The following DUSP22 variants were observed in gnomAD, a reference collection of about 807,000 sequenced individuals.
The protein encoded by DUSP22 is dual specificity protein phosphatase 22.
Under a neutral mutation model 24.5 loss-of-function variants are expected in DUSP22, and 24 were observed. That is an observed-to-expected ratio of 0.98 (90% confidence interval 0.71 to 1.38). DUSP22 has a LOEUF of 1.38. DUSP22 is among the 40% of genes most tolerant of loss of function. The pLI, the probability that DUSP22 is intolerant of heterozygous loss-of-function variation, is 0.00. For missense variants in DUSP22, 330 were observed against 269.2 expected, an observed-to-expected ratio of 1.23 and a Z score of -1.58; for synonymous variants, 160 against 106.4, an observed-to-expected ratio of 1.50 and a Z score of -3.10.
chr6:329,627 A>G (rs1361366695), intron 3 of DUSP22, among the ~76,000 whole-genome samples: 1 of 152,286 alleles, frequency 6.6e-6, no homozygotes, highest in African/African-American at 2.4e-5. Context: ...TAATTTTTGT[A>G]TTTTTTAGTA....
chr6:319,547 G>A (rs1758493400), intron 3 of DUSP22, among the ~76,000 whole-genome samples: 1 of 152,308 alleles, frequency 6.6e-6, no homozygotes, highest in Admixed American at 6.5e-5. Flanking sequence ...AAATGAATCT[G>A]TGCCCTTTTT....
intron 4 of DUSP22, 98 bp from the exon 5 acceptor site, chr6:345,756 A>G (rs1010385681): frequency 8.3e-6 from 12 of 1,447,476 alleles, no homozygotes; most frequent in Non-Finnish European, 1.1e-5. Flanking sequence ...CAAAAAAATC[A>G]ATTAACATTT....
intron 1 of DUSP22, among the ~76,000 whole-genome samples, chr6:303,884 A>G (rs1439599405): frequency 1.1e-4 from 17 of 152,292 alleles, no homozygotes. Flanking sequence ...AGAAATGTGT[A>G]TTTTTAACAG....
rs1246281245 is a variant in DUSP22 at position 351,275 on chromosome 6, T to C, written c.*2324T>C. On this transcript the variant is annotated 3_prime_UTR_variant, in exon 7 of 7. Transcript: ENST00000419235. ...GAAATAGCCCTTGGTGTGGGTTTTATCTCTGGTTTGTGTTCTCCGTGGTGG... is the reference window on the plus strand; with the variant it reads ...GAAATAGCCCTTGGTGTGGGTTTTACCTCTGGTTTGTGTTCTCCGTGGTGG... 4.7e-6 allele frequency: 1 copy of C among 212,688 alleles called. No homozygotes were observed. Among genetic ancestry groups the C allele is most frequent in the African/African-American group, 2.3e-5 (1 of 43,316 alleles). 13.2% of individuals were successfully genotyped at this position (212,688 alleles called of 1,614,324 possible).
Position 348,778 on chromosome 6 carries a change from T to C in DUSP22, c.445T>C (p.Trp149Arg). Residue 149 changes from tryptophan to arginine, a missense_variant, in exon 7 of 7, where the codon TGG becomes CGG. Transcript: ENST00000419235. Reference protein sequence around the residue: ...EKHEVHQYRQWLKEEYGESPL... With the variant: ...EKHEVHQYRQRLKEEYGESPL... ...TTTCCATCCTCTCCAGTATCGGCAG[T>C]GGCTGAAGGAAGAATATGGAGAGAG... 1 of 1,614,298 alleles carries C rather than the reference T, an allele frequency of 6.2e-7. No individual in the cohort carries two copies. The highest frequency in any genetic ancestry group is 8.5e-7 in the Non-Finnish European group (1 of 1,180,054).
At chr6:321,947 G>A (rs975207127) in intron 3 of DUSP22, among the ~76,000 whole-genome samples, 33 of 152,420 alleles carry the variant, frequency 2.2e-4, no homozygotes, top group African/African-American at 7.9e-4. Flanking sequence ...GCTCAGTCAT[G>A]GGTGGAATGT....
intron 4 of DUSP22, among the ~76,000 whole-genome samples, chr6:342,402 G>C (rs1759651395): frequency 1.3e-5 from 2 of 152,304 alleles, no homozygotes; most frequent in Admixed American, 1.3e-4. Flanking sequence ...GGACCAAGGA[G>C]GGTGCCGTCC....
chr6:292,884 G>A (rs1757157969), intron 1 of DUSP22, among the ~76,000 whole-genome samples: 1 of 152,284 alleles, frequency 6.6e-6, no homozygotes, highest in Non-Finnish European at 1.5e-5. Context: ...CCGAATGGAT[G>A]TGGCTTCTTT....
At chr6:305,796 G>A (rs916307524) in intron 2 of DUSP22, among the ~76,000 whole-genome samples, 5 of 152,302 alleles carry the variant, frequency 3.3e-5, no homozygotes, top group African/African-American at 1.2e-4. Context: ...TGTTAGGTTG[G>A]ACAGAGCCAG....
chr6:330,025 G>A (rs1430163980), intron 3 of DUSP22, among the ~76,000 whole-genome samples: 1 of 152,294 alleles, frequency 6.6e-6, no homozygotes, highest in East Asian at 1.9e-4. Flanking sequence ...GGGTCAGTGT[G>A]AATACAGAGT....
chr6:293,689 G>A (rs554042588), intron 1 of DUSP22, among the ~76,000 whole-genome samples: 6 of 152,394 alleles, frequency 3.9e-5, no homozygotes, highest in African/African-American at 7.2e-5. Flanking sequence ...TTTCACGTGC[G>A]CATGTCGTGT....
chr6:304,661 G>A lies in DUSP22; in HGVS notation c.55G>A (p.Asp19Asn), dbSNP rs1453951692. The A allele has an allele frequency of 2.5e-6, 4 of 1,614,126 alleles. No homozygotes were observed. The highest frequency in any genetic ancestry group is 2.7e-5 in the African/African-American group (2 of 74,966). ...CGGCCTGTACATCGGCAACTTCAAA[G>A]GTGAGTTCTTGCTTTTTTATTGTTG... ...LPGLYIGNFK[D>N]ARDAEQLSKN... is the part of the protein sequence containing the mutation. The change falls in exon 2 of 7, where the codon GAT becomes AAT. Residue 19 changes from aspartate (D) to asparagine (N), a missense_variant and splice_region_variant. Asp to Asn is a conservative substitution (Grantham distance 23). Coordinates refer to ENST00000419235, the MANE Select transcript of DUSP22 (RefSeq NM_001286555.3).
chr6:350,573 A>G lies in DUSP22; in HGVS notation c.*1622A>G. 1 of 1,400,974 alleles carries G rather than the reference A, an allele frequency of 7.1e-7. No homozygotes were observed. The highest frequency in any genetic ancestry group is 9.3e-7 in the Non-Finnish European group (1 of 1,080,904). The allele number at this position is 1,400,974 out of a possible 1,614,324, so 86.8% of individuals were successfully genotyped here. A position where few individuals can be genotyped will look rare whatever the true frequency, so the allele number is the denominator to read the frequency against. On this transcript the variant is annotated 3_prime_UTR_variant, in exon 7 of 7. Coordinates refer to ENST00000419235, the MANE Select transcript of DUSP22 (RefSeq NM_001286555.3). ...AAGTTGCCTGATTCCGCGCAGGTGC[A>G]CAGGCCCCGGATGTACACCCGGAAA...
intron 4 of DUSP22, among the ~76,000 whole-genome samples, chr6:342,609 A>C (rs934088451): frequency 1.3e-5 from 2 of 152,306 alleles, no homozygotes; most frequent in Non-Finnish European, 2.9e-5. Flanking sequence ...ATCAGGTAGC[A>C]TGAATTTGGC....
At chr6:295,455 T>A (rs916552321) in intron 1 of DUSP22, among the ~76,000 whole-genome samples, 7 of 152,390 alleles carry the variant, frequency 4.6e-5, no homozygotes, top group Admixed American at 3.9e-4. Flanking sequence ...AAAAGGCTTT[T>A]ATATTCTAGA....
At chr6:332,644 C>CTTTTTTTTT (rs3053546) in intron 3 of DUSP22, among the ~76,000 whole-genome samples, 3 of 148,066 alleles carry the variant, frequency 2.0e-5, no homozygotes, top group Non-Finnish European at 4.5e-5. Flanking sequence ...TCCTGTCCTT[C>CTTTTTTTTT]TTTTTTTTTT....
At chr6:320,066 C>T (rs1758520767) in intron 3 of DUSP22, 1 of 152,552 alleles carries the variant, frequency 6.6e-6, no homozygotes, top group Non-Finnish European at 1.5e-5. Flanking sequence ...GCAAATGGAG[C>T]CCTAGAACTC....
At chr6:336,258 A>G (rs1014239164) in intron 4 of DUSP22, among the ~76,000 whole-genome samples, 16 of 152,420 alleles carry the variant, frequency 1.0e-4, no homozygotes, top group African/African-American at 2.9e-4. Context: ...AGACACAGCA[A>G]CCCTCCTAGA....
intron 1 of DUSP22, among the ~76,000 whole-genome samples, chr6:298,456 T>C (rs113728420): frequency 6.6e-6 from 1 of 152,428 alleles, no homozygotes; most frequent in Non-Finnish European, 1.5e-5. Context: ...TCAGTTTGGG[T>C]GGGGTTCTTA....
Sources: gnomAD v4.1 joint callset for allele counts (sites outside exome capture counted in the v4.1 genomes callset) on GRCh38, gnomAD v4.1.1 for gene constraint, MANE v1.5 for transcripts, NCBI Gene and HGNC (gene_info 2026-07-23, HGNC 2026-07-21) for gene names.